TFDP1: variants seen among roughly 807,000 people sequenced by gnomAD.
The protein encoded by TFDP1 is transcription factor Dp-1, also known as DRTF1-polypeptide 1.
Under a neutral mutation model 48.0 loss-of-function variants are expected in TFDP1, and 6 were observed. That is an observed-to-expected ratio of 0.13 (90% CI 0.07 to 0.25). TFDP1 has a LOEUF of 0.25. TFDP1 is among the 10% of genes least tolerant of loss of function. The pLI, the probability that TFDP1 is intolerant of heterozygous loss-of-function variation, is 1.00. For synonymous variants in TFDP1, 201 were observed against 211.6 expected, an observed-to-expected ratio of 0.95 and a Z score of 0.44; for missense variants, 335 against 543.0, an observed-to-expected ratio of 0.62 and a Z score of 3.81.
At chr13:113,636,838 G>A in intron 10 of TFDP1, 138 bp downstream of exon 10, 2 of 1,063,068 alleles carry the variant, frequency 1.9e-6, no homozygotes, top group Non-Finnish European at 2.6e-6. Context: ...AAAGACAAAG[G>A]GGCTGTGAGG....
intron 3 of TFDP1, among the ~76,000 whole-genome samples, chr13:113,614,444 G>A (rs1224436315): frequency 6.6e-6 from 1 of 152,154 alleles, no homozygotes; most frequent in Non-Finnish European, 1.5e-5. Context: ...AGTGAGCAAG[G>A]CTCTGCCTTC....
intron 8 of TFDP1, 29 bp downstream of exon 8, chr13:113,634,631 G>A (rs1237660206): frequency 6.4e-7 from 1 of 1,563,708 alleles, no homozygotes. Context: ...GTGGAGGCAG[G>A]GTAATTTTTA....
chr13:113,634,814 CGTGCATGCATGCATGTGTGT>C (rs1566676623), intron 8 of TFDP1, among the ~76,000 whole-genome samples: 2 of 107,462 alleles, frequency 1.9e-5, no homozygotes, highest in African/African-American at 3.6e-5. Flanking sequence ...TGTGTGTGTG[CGTGCATGCATGCATGTGTGT>C]GTGTGTGCAT....
chr13:113,589,691 T>G, intron 2 of TFDP1, among the ~76,000 whole-genome samples: 1 of 152,234 alleles, frequency 6.6e-6, no homozygotes, highest in East Asian at 1.9e-4. Context: ...GATTCAGTCT[T>G]GGAAGGTGCT....
chr13:113,609,429 A>G (rs1458756686), intron 2 of TFDP1, among the ~76,000 whole-genome samples: 3 of 151,974 alleles, frequency 2.0e-5, no homozygotes, highest in Non-Finnish European at 4.4e-5. Context: ...GAACGGCAGT[A>G]GTGACTGTCT....
intron 2 of TFDP1, among the ~76,000 whole-genome samples, chr13:113,587,715 G>C (rs2048040481): frequency 6.6e-6 from 1 of 152,096 alleles, no homozygotes; most frequent in Non-Finnish European, 1.5e-5. Flanking sequence ...TCGAGCTCCT[G>C]ACCTCAACAA....
At chr13:113,597,621 G>A (rs766089938) in intron 2 of TFDP1, among the ~76,000 whole-genome samples, 5 of 152,228 alleles carry the variant, frequency 3.3e-5, no homozygotes, top group Admixed American at 2.6e-4. Context: ...AAAGGAGGGC[G>A]TCAGCTGCTT....
chr13:113,601,076 G>A (rs1203929242), intron 2 of TFDP1, among the ~76,000 whole-genome samples: 1 of 152,192 alleles, frequency 6.6e-6, no homozygotes, highest in Non-Finnish European at 1.5e-5. Flanking sequence ...CAGATGCGAG[G>A]TTCTTTTCTG....
intron 2 of TFDP1, among the ~76,000 whole-genome samples, chr13:113,608,862 CT>C (rs751333967): frequency 2.8e-4 from 42 of 152,226 alleles, no homozygotes; most frequent in Non-Finnish European, 1.8e-4. Context: ...TCCAGACCCA[CT>C]CGCCTTTTTC....
chr13:113,628,357 A>G (rs2049244910), intron 4 of TFDP1, among the ~76,000 whole-genome samples: 1 of 152,256 alleles, frequency 6.6e-6, no homozygotes, highest in South Asian at 2.1e-4. Flanking sequence ...TCTGAAGCGC[A>G]GCTTGGATTC....
Position 113,619,757 on chromosome 13 carries a change from C to G in TFDP1, c.80-3423C>G, listed in dbSNP as rs75162674. Among the ~76,000 whole-genome samples, 876 of 152,266 alleles carry G rather than the reference C, an allele frequency of 5.8e-3. 12 individuals carry two copies. Among genetic ancestry groups the G allele is most frequent in the African/African-American group, 0.02 (829 of 41,526 alleles). On this transcript the variant is annotated intron_variant, in intron 3 of 11. Coordinates refer to ENST00000375370, the MANE Select transcript of TFDP1 (RefSeq NM_007111.5). ...TGATGTACGTACCCTGCCCTCTGTC[C>G]CGTAGAGACTCAGCTGGTGACCCAG...
intron 2 of TFDP1, among the ~76,000 whole-genome samples, chr13:113,594,956 G>C (rs1263709887): frequency 1.3e-5 from 2 of 152,216 alleles, no homozygotes; most frequent in Non-Finnish European, 1.5e-5. Context: ...ATGCCTGTTG[G>C]ATTTCTATTT....
intron 2 of TFDP1, among the ~76,000 whole-genome samples, chr13:113,587,573 C>G (rs1239875124): frequency 6.8e-6 from 1 of 146,758 alleles, no homozygotes; most frequent in African/African-American, 2.5e-5. Flanking sequence ...CAACCTCTGT[C>G]TCCTGGGTTT....
intron 9 of TFDP1, 51 bp downstream of exon 9, chr13:113,636,179 G>C (rs751711188): frequency 6.3e-7 from 1 of 1,596,512 alleles, no homozygotes; most frequent in Admixed American, 1.7e-5. Flanking sequence ...CTTTTTTAGG[G>C]AGCCGACCCT....
At chr13:113,618,293 G>T (rs139760495) in intron 3 of TFDP1, among the ~76,000 whole-genome samples, 1 of 152,182 alleles carries the variant, frequency 6.6e-6, no homozygotes, top group African/African-American at 2.4e-5. Context: ...AGGCCAAGGC[G>T]GGTGGATCGC....
intron 4 of TFDP1, among the ~76,000 whole-genome samples, chr13:113,624,118 G>A (rs2140488802): frequency 6.6e-6 from 1 of 152,140 alleles, no homozygotes; most frequent in Non-Finnish European, 1.5e-5. Flanking sequence ...CCCCGCCTGG[G>A]CAGCTGCCCC....
At chr13:113,635,036 G>A (rs1447085855) in intron 8 of TFDP1, among the ~76,000 whole-genome samples, 1 of 152,242 alleles carries the variant, frequency 6.6e-6, no homozygotes, top group Non-Finnish European at 1.5e-5. Context: ...AATCTCCTCA[G>A]AGGTGCTTAA....
At chr13:113,635,143 C>T (rs1278912089) in intron 8 of TFDP1, among the ~76,000 whole-genome samples, 1 of 152,192 alleles carries the variant, frequency 6.6e-6, no homozygotes, top group Non-Finnish European at 1.5e-5. Context: ...AGCTGGCCTT[C>T]CCCACCTCCC....
intron 2 of TFDP1, among the ~76,000 whole-genome samples, chr13:113,592,248 C>T (rs142779788): frequency 0.011 from 1,613 of 152,310 alleles, 27 homozygotes; most frequent in African/African-American, 0.037. Flanking sequence ...CTCTGTCTCC[C>T]GGGTTCAAGC....
Sources: allele counts gnomAD v4.1 joint callset (sites outside exome capture counted in the v4.1 genomes callset), GRCh38; gene constraint gnomAD v4.1.1; transcripts MANE v1.5; gene names NCBI Gene and HGNC (gene_info 2026-07-23, HGNC 2026-07-21).